The following MRPL14 variants were observed in gnomAD, a reference collection of about 807,000 sequenced individuals.
The protein encoded by MRPL14 is mitochondrial ribosomal protein L14.
In MRPL14, 8 loss-of-function variants were observed where a neutral mutation model predicts 10.9. That is an observed-to-expected ratio of 0.74 (90% CI 0.43 to 1.33). MRPL14 has a LOEUF of 1.33. MRPL14 is among the 40% of genes most tolerant of loss of function. MRPL14 has a pLI of 0.01. For synonymous variants in MRPL14, 82 were observed against 74.1 expected (o/e 1.11, Z -0.54); for missense variants, 179 against 194.5 (o/e 0.92, Z 0.47).
chr6:44,121,931 T>A (rs1776464912), intron 1 of MRPL14, among the ~76,000 whole-genome samples: 1 of 97,186 alleles, frequency 1.0e-5, no homozygotes, highest in Admixed American at 1.2e-4. Flanking sequence ...AGAGTAAGAC[T>A]GTCTCAAAAA....
chr6:44,126,626 C>T (rs755016605), intron 1 of MRPL14, among the ~76,000 whole-genome samples: 1 of 151,762 alleles, frequency 6.6e-6, no homozygotes, highest in Non-Finnish European at 1.5e-5. Flanking sequence ...TCCCGTCCGT[C>T]TCTTACGGTG....
chr6:44,117,194 G>A (rs919898245), intron 1 of MRPL14, among the ~76,000 whole-genome samples: 14 of 149,126 alleles, frequency 9.4e-5, no homozygotes, highest in Non-Finnish European at 2.1e-4. Flanking sequence ...CCAAGTCAAA[G>A]ACCAAAGTCT....
rs1775568148 is a variant in MRPL14, at chr6:44,113,810, C to T, written c.*33G>A. On this transcript the variant is annotated 3_prime_UTR_variant, in exon 3 of 3. Coordinates refer to ENST00000372014, the MANE Select transcript of MRPL14 (RefSeq NM_032111.4). The stretch of plus-strand genomic sequence containing the variant: ...GGGTGGTTCTCAGAACTGCTCCATT[C>T]ACGAGTCCTGCAACCAGAGGCCTGG... 1.8e-5 allele frequency: 27 copies of T among 1,527,022 alleles called. No individual in the cohort carries two copies. The highest frequency in any genetic ancestry group is 2.3e-5 in the Non-Finnish European group (26 of 1,136,072). The allele number at this position is 1,527,022 out of a possible 1,614,324, so 94.6% of individuals were successfully genotyped here.
chr6:44,119,591 G>C (rs1465629872), intron 1 of MRPL14, among the ~76,000 whole-genome samples: 1 of 152,070 alleles, frequency 6.6e-6, no homozygotes, highest in Non-Finnish European at 1.5e-5. Flanking sequence ...AGTGCTTGCT[G>C]AATCAACTGA....
In MRPL14 at chr6:44,113,702, T is replaced by C; in HGVS notation, c.*141A>G. The C allele has an allele frequency of 2.5e-6, 2 of 801,640 alleles. No individual in the cohort carries two copies. The highest frequency in any genetic ancestry group is 3.6e-6 in the Non-Finnish European group (2 of 551,310). 49.7% of individuals were successfully genotyped at this position (801,640 alleles called of 1,614,324 possible). On this transcript the variant is annotated 3_prime_UTR_variant, in exon 3 of 3. Transcript: ENST00000372014. ...AGCTCTGGAAAAACACATAAATGAA[T>C]ACATTTATTCTCTCACAGGATACTA...
intron 1 of MRPL14, among the ~76,000 whole-genome samples, chr6:44,124,393 G>A (rs537691745): frequency 6.6e-6 from 1 of 152,336 alleles, no homozygotes; most frequent in African/African-American, 2.4e-5. Context: ...CTTCACTCAT[G>A]TAAGGGATCA....
rs954836134 is a variant in MRPL14, at chr6:44,127,436, G to A, written c.-111C>T. 2.0e-5 allele frequency: 3 copies of A among 151,918 alleles called. No homozygotes were observed. Among genetic ancestry groups the A allele is most frequent in the Admixed American group, 6.6e-5 (1 of 15,262 alleles). 9.4% of individuals were successfully genotyped at this position (151,918 alleles called of 1,614,324 possible). A position where few individuals can be genotyped will look rare whatever the true frequency, so the allele number is the denominator to read the frequency against. On this transcript the variant is annotated 5_prime_UTR_variant, in exon 1 of 3. Transcript: ENST00000372014. ...GCCTCTTCCTAGCGCCTGCGCGCCA[G>A]GCCCAGCCCGGCGGACGCGATCTGA...
intron 1 of MRPL14, chr6:44,126,815 T>C (rs923332428): frequency 1.3e-5 from 2 of 152,226 alleles, no homozygotes; most frequent in African/African-American, 2.4e-5. Flanking sequence ...CACTGGTAGA[T>C]GCAGTCTCTG....
At chr6:44,125,373 T>C (rs779136855) in intron 1 of MRPL14, among the ~76,000 whole-genome samples, 1 of 152,178 alleles carries the variant, frequency 6.6e-6, no homozygotes, top group Non-Finnish European at 1.5e-5. Context: ...AAATGCCTTC[T>C]GGCTGGACAA....
intron 1 of MRPL14, among the ~76,000 whole-genome samples, chr6:44,122,086 C>T (rs566456609): frequency 3.4e-5 from 5 of 148,680 alleles, no homozygotes; most frequent in East Asian, 1.9e-4. Context: ...TCTTCCCCCC[C>T]CTCTTTTTTT....
intron 1 of MRPL14, among the ~76,000 whole-genome samples, chr6:44,126,293 TATTTTCTATTTCAAGTGGCCGTG>T (rs1225070256): frequency 6.6e-6 from 1 of 152,252 alleles, no homozygotes; most frequent in Non-Finnish European, 1.5e-5. Flanking sequence ...CACCCTCTGA[TATTTTCTATTTCAAGTGGCCGTG>T]ATCTACTAAA....
rs1775548149 is a variant in MRPL14, at chr6:44,113,571, C to G, written c.*272G>C. On this transcript the variant is annotated 3_prime_UTR_variant, in exon 3 of 3. Transcript: ENST00000372014. ...AACCAGAAAAGCAAGGGCTCAGACCCTGGCACCAAGGCTGCTCCATGTAAA... is the reference window on the plus strand; with the variant it reads ...AACCAGAAAAGCAAGGGCTCAGACCGTGGCACCAAGGCTGCTCCATGTAAA... The G allele has an allele frequency of 6.3e-6, 2 of 316,920 alleles. No individual in the cohort carries two copies. The highest frequency in any genetic ancestry group is 1.1e-5 in the Non-Finnish European group (2 of 174,364). 19.6% of individuals were successfully genotyped at this position (316,920 alleles called of 1,614,324 possible).
intron 1 of MRPL14, among the ~76,000 whole-genome samples, chr6:44,117,719 A>G (rs1397632535): frequency 3.3e-5 from 5 of 151,696 alleles, no homozygotes; most frequent in African/African-American, 1.2e-4. Context: ...GCTGGAATGT[A>G]GTGGTGCAAC....
intron 2 of MRPL14, among the ~76,000 whole-genome samples, chr6:44,115,399 C>T (rs1310931900): frequency 1.3e-5 from 2 of 152,208 alleles, no homozygotes; most frequent in Non-Finnish European, 2.9e-5. Context: ...TGCTGCTACA[C>T]TTATCTAGAC....
chr6:44,120,018 C>T (rs1776245330), intron 1 of MRPL14, among the ~76,000 whole-genome samples: 2 of 152,232 alleles, frequency 1.3e-5, no homozygotes, highest in South Asian at 4.1e-4. Flanking sequence ...GGTATCATCA[C>T]AAAGCACCTC....
chr6:44,113,981 G>A lies in MRPL14; in HGVS notation c.300C>T (p.Phe100=), dbSNP rs6883. 0.53 allele frequency: 862,931 copies of A among 1,613,624 alleles called. 236,981 individuals are homozygous for A. Among genetic ancestry groups the A allele is most frequent in the East Asian group, 0.8 (35,924 of 44,860 alleles). ...CAATGAGGACCACGTTGTTGGAGTC[G>A]AATCTGGGGGTCATTCGGGGGCCAG... ...CMPGPRMTPR[F]DSNNVVLIED... is the part of the protein sequence containing the mutation. The change falls in exon 3 of 3, where the codon TTC becomes TTT. Residue 100 remains phenylalanine, a synonymous_variant. Coordinates refer to ENST00000372014, the MANE Select transcript of MRPL14 (RefSeq NM_032111.4).
intron 1 of MRPL14, among the ~76,000 whole-genome samples, chr6:44,125,520 G>A (rs975618127): frequency 2.6e-5 from 4 of 151,772 alleles, no homozygotes; most frequent in Non-Finnish European, 4.4e-5. Flanking sequence ...GCCAGGAGTG[G>A]TGGCTCGCGC....
intron 2 of MRPL14, 77 bp from the exon 3 acceptor site, chr6:44,114,286 C>A: frequency 6.7e-7 from 1 of 1,497,966 alleles, no homozygotes; most frequent in Non-Finnish European, 8.9e-7. Context: ...GAGGTCAAGG[C>A]TAGGGAGAAT....
At chr6:44,116,278 T>G (rs944378362) in intron 2 of MRPL14, among the ~76,000 whole-genome samples, 1 of 152,208 alleles carries the variant, frequency 6.6e-6, no homozygotes, top group African/African-American at 2.4e-5. Context: ...AGATTCACTG[T>G]AAGAGTCTTG....
Sources: gnomAD v4.1 joint callset for allele counts (sites outside exome capture counted in the v4.1 genomes callset) on GRCh38, gnomAD v4.1.1 for gene constraint, MANE v1.5 for transcripts, NCBI Gene and HGNC (gene_info 2026-07-23, HGNC 2026-07-21) for gene names.